The following GPC5 variants were observed in gnomAD, a reference collection of about 807,000 sequenced individuals.
The protein encoded by GPC5 is glypican 5.
A neutral mutation model predicts 53.9 loss-of-function variants in GPC5; 47 were observed. The ratio of observed to expected loss-of-function variants is 0.87; its 90% CI spans 0.69 to 1.11. GPC5 has a LOEUF of 1.11. GPC5 is among the 50% of genes most tolerant of loss of function. The pLI is 0.00. For synonymous variants in GPC5, 286 were observed against 263.3 expected, an observed-to-expected ratio of 1.09 and a Z score of -0.84; for missense variants, 748 against 713.1, an observed-to-expected ratio of 1.05 and a Z score of -0.56.
chr13:92,764,594 GC>G (rs1875320472), intron 7 of GPC5, among the ~76,000 whole-genome samples: 1 of 152,200 alleles, frequency 6.6e-6, no homozygotes, highest in Non-Finnish European at 1.5e-5. Context: ...AGAAGTTGCT[GC>G]TAGTTCTCAG....
intron 1 of GPC5, among the ~76,000 whole-genome samples, chr13:91,406,583 T>G (rs908864204): frequency 6.6e-6 from 1 of 152,204 alleles, no homozygotes; most frequent in African/African-American, 2.4e-5. Context: ...ATAGATAAAG[T>G]AAACTCTGGG....
chr13:91,991,738 G>A (rs1020414512), intron 6 of GPC5, among the ~76,000 whole-genome samples: 1 of 152,112 alleles, frequency 6.6e-6, no homozygotes, highest in African/African-American at 2.4e-5. Flanking sequence ...TGGATAAAAT[G>A]TTCTGTCTGG....
intron 2 of GPC5, among the ~76,000 whole-genome samples, chr13:91,597,964 G>A (rs2033053352): frequency 6.6e-6 from 1 of 151,532 alleles, no homozygotes; most frequent in Non-Finnish European, 1.5e-5. Flanking sequence ...AATTTATGTT[G>A]AATCCACTGT....
intron 2 of GPC5, among the ~76,000 whole-genome samples, chr13:91,633,503 C>T (rs187578081): frequency 4.5e-4 from 68 of 152,198 alleles, no homozygotes; most frequent in African/African-American, 1.5e-3. Context: ...TCTGCCAATT[C>T]TTAAATGGTG....
At chr13:92,551,499 C>G (rs966644294) in intron 7 of GPC5, among the ~76,000 whole-genome samples, 4 of 151,794 alleles carry the variant, frequency 2.6e-5, no homozygotes, top group Admixed American at 6.6e-5. Context: ...CAGAGAATTC[C>G]CATAATTTAC....
rs538192088 is a variant in GPC5 at position 92,243,403 on chromosome 13, A to G, written c.1561+98414A>G. On this transcript the variant is annotated intron_variant, in intron 7 of 7. Coordinates refer to ENST00000377067, the MANE Select transcript of GPC5 (RefSeq NM_004466.6). ...TCAAGAAGTAGATTAAAGAGAAGTC[A>G]GAGTAGAAATAACAGGACCAATTGG... Among the ~76,000 whole-genome samples the G allele has an allele frequency of 1.2e-4, 18 of 152,336 alleles. No individual in the cohort carries two copies. The South Asian group carries it at 2.9e-3, about 25-fold the overall frequency.
At chr13:91,522,946 G>A (rs985735215) in intron 2 of GPC5, among the ~76,000 whole-genome samples, 1 of 152,128 alleles carries the variant, frequency 6.6e-6, no homozygotes, top group Non-Finnish European at 1.5e-5. Context: ...CCAAGTTTTT[G>A]CTATTGTGAA....
chr13:92,235,714 A>T (rs1177267378), intron 7 of GPC5, among the ~76,000 whole-genome samples: 1 of 152,124 alleles, frequency 6.6e-6, no homozygotes, highest in Non-Finnish European at 1.5e-5. Flanking sequence ...TCAATAGATG[A>T]TGTCCTTTAA....
intron 6 of GPC5, among the ~76,000 whole-genome samples, chr13:91,924,573 T>TA (rs575080008): frequency 6.2e-5 from 9 of 145,166 alleles, no homozygotes; most frequent in South Asian, 2.2e-4. Context: ...AAAATAAAAA[T>TA]AAAAAAAAAA....
chr13:92,042,010 C>A (rs1361414702), intron 6 of GPC5, among the ~76,000 whole-genome samples: 1 of 152,130 alleles, frequency 6.6e-6, no homozygotes, highest in Non-Finnish European at 1.5e-5. Context: ...TGGAGATGGG[C>A]ACCCAATAAA....
intron 7 of GPC5, among the ~76,000 whole-genome samples, chr13:92,715,235 T>C (rs1888289746): frequency 6.6e-6 from 1 of 152,208 alleles, no homozygotes. Flanking sequence ...TTGACTCGTC[T>C]TTTCTATGAG....
At chr13:91,973,895 C>A (rs1159731944) in intron 6 of GPC5, among the ~76,000 whole-genome samples, 1 of 152,222 alleles carries the variant, frequency 6.6e-6, no homozygotes, top group Non-Finnish European at 1.5e-5. Context: ...TCTGCCCCTA[C>A]AGGGGGATGC....
intron 7 of GPC5, among the ~76,000 whole-genome samples, chr13:92,753,067 C>G (rs1874662007): frequency 6.6e-6 from 1 of 152,218 alleles, no homozygotes; most frequent in Admixed American, 6.5e-5. Context: ...ACAGCAGTAA[C>G]CTCTGCAGAC....
chr13:92,663,513 C>A (rs1373095511), intron 7 of GPC5, among the ~76,000 whole-genome samples: 2 of 148,738 alleles, frequency 1.3e-5, no homozygotes, highest in African/African-American at 5.0e-5. Flanking sequence ...CTTAGACGGG[C>A]AGAACATGAG....
intron 6 of GPC5, among the ~76,000 whole-genome samples, chr13:91,948,598 A>C (rs974771976): frequency 1.3e-5 from 2 of 152,206 alleles, no homozygotes; most frequent in Admixed American, 1.3e-4. Context: ...CACTTTTTAA[A>C]TGATGTTTAA....
chr13:92,025,536 C>A (rs1326198181), intron 6 of GPC5, among the ~76,000 whole-genome samples: 1 of 152,094 alleles, frequency 6.6e-6, no homozygotes, highest in South Asian at 2.1e-4. Context: ...GTCAGTGAAG[C>A]TGTTGCTGGG....
intron 7 of GPC5, among the ~76,000 whole-genome samples, chr13:92,746,252 A>T (rs1424800966): frequency 6.6e-6 from 1 of 152,162 alleles, no homozygotes; most frequent in Non-Finnish European, 1.5e-5. Context: ...TTCATTAAAA[A>T]TTTTAATTAT....
chr13:92,759,111 T>C (rs572228726), intron 7 of GPC5, among the ~76,000 whole-genome samples: 42 of 151,590 alleles, frequency 2.8e-4, no homozygotes, highest in African/African-American at 9.2e-4. Flanking sequence ...GGTCTGTTTG[T>C]CTGTTTTTAT....
chr13:92,525,956 G>T (rs1282599894), intron 7 of GPC5, among the ~76,000 whole-genome samples: 3 of 152,052 alleles, frequency 2.0e-5, no homozygotes, highest in African/African-American at 7.2e-5. Flanking sequence ...TGCTCTATCA[G>T]ATATCATTGC....
Sources: gnomAD v4.1 joint callset for allele counts (sites outside exome capture counted in the v4.1 genomes callset) on GRCh38, gnomAD v4.1.1 for gene constraint, MANE v1.5 for transcripts, NCBI Gene and HGNC (gene_info 2026-07-23, HGNC 2026-07-21) for gene names.